The following FRMPD3 variants were observed in gnomAD, a reference collection of about 807,000 sequenced individuals.
The protein encoded by FRMPD3 is FERM and PDZ domain-containing protein 3.
FRMPD3 carries 42 observed loss-of-function variants against 97.9 expected under a neutral mutation model. The ratio of observed to expected loss-of-function variants is 0.43; its 90% confidence interval spans 0.34 to 0.55. FRMPD3 has a LOEUF of 0.55. Among genes scored for constraint, FRMPD3 ranks in the 20% least tolerant of loss-of-function variants. The pLI is 0.03. For synonymous variants in FRMPD3, 577 were observed against 581.1 expected (o/e 0.99, Z 0.10); for missense variants, 1,303 against 1,457.7 (o/e 0.89, Z 1.73).
Position 107,564,880 on chromosome X carries a change from G to A in FRMPD3, c.1117-7G>A. The A allele has an allele frequency of 8.3e-7, 1 of 1,209,608 alleles. No homozygotes were observed. The highest frequency in any genetic ancestry group is 1.1e-6 in the Non-Finnish European group (1 of 894,639). On this transcript the variant is annotated splice_region_variant and splice_polypyrimidine_tract_variant and intron_variant, in intron 11 of 14. Transcript: ENST00000683843. ...TGTGAACGTTGCCTGCCATTCTTGG[G>A]CACCAGGATGAGAAGCAGTCGGCCA... is the stretch of plus-strand genomic sequence containing the variant.
At chrX:107,545,703 T>C (rs1921555695) in intron 4 of FRMPD3, 34 bp from the exon 5 acceptor site, 1 of 1,113,518 alleles carries the variant, frequency 9.0e-7, no homozygotes, top group East Asian at 3.0e-5. Flanking sequence ...TCCCTAGATA[T>C]GGAGAACTCA....
chrX:107,588,053 G>A (rs951826822), intron 13 of FRMPD3, among the ~76,000 whole-genome samples: 1 of 111,349 alleles, frequency 9.0e-6, no homozygotes, highest in African/African-American at 3.3e-5. Flanking sequence ...GAGATTACAG[G>A]TGTGAGCCGC....
chrX:107,562,478 C>G (rs1427645136), intron 10 of FRMPD3, among the ~76,000 whole-genome samples: 1 of 112,484 alleles, frequency 8.9e-6, no homozygotes, highest in African/African-American at 3.2e-5. Flanking sequence ...TGAAGGTAAC[C>G]TGGCTGTCAC....
In FRMPD3 at chrX:107,521,782, C is replaced by T. The variant is rs762738618; in HGVS notation, c.-7-4800C>T. ...GCCAGTCTTGAGGGGAGTGACAAGACTCCCCAAGGAGCCAACCAAATGTAA... is the reference window on the plus strand; with the variant it reads ...GCCAGTCTTGAGGGGAGTGACAAGATTCCCCAAGGAGCCAACCAAATGTAA... On this transcript the variant is annotated intron_variant, in intron 1 of 14. Transcript: ENST00000683843. Among the ~76,000 whole-genome samples, 18 of 112,281 alleles carry T rather than the reference C, an allele frequency of 1.6e-4. No individual in the cohort carries two copies. The South Asian group carries it at 6.8e-3, about 42-fold the overall frequency.
chrX:107,519,686 G>A (rs1417695319), intron 1 of FRMPD3, among the ~76,000 whole-genome samples: 1 of 111,193 alleles, frequency 9.0e-6, no homozygotes, highest in Non-Finnish European at 1.9e-5. Context: ...GTAGAGGTGG[G>A]CGGCAGGCAG....
chrX:107,526,880 A>T, intron 2 of FRMPD3, 144 bp downstream of exon 2: 1 of 585,040 alleles, frequency 1.7e-6, no homozygotes, highest in Non-Finnish European at 2.5e-6. Context: ...CCAACCAATA[A>T]CTGTGTGAGG....
intron 1 of FRMPD3, among the ~76,000 whole-genome samples, chrX:107,499,253 T>A (rs1467811379): frequency 1.8e-5 from 2 of 111,769 alleles, no homozygotes; most frequent in African/African-American, 6.5e-5. Flanking sequence ...TCCGGAAGGA[T>A]AAGTAGGAGA....
chrX:107,490,465 A>G (rs186672892), intron 1 of FRMPD3, among the ~76,000 whole-genome samples: 164 of 112,141 alleles, frequency 1.5e-3, no homozygotes, highest in Non-Finnish European at 2.0e-3. Context: ...CTTCCTACCC[A>G]TGAGCATGGA....
intron 1 of FRMPD3, among the ~76,000 whole-genome samples, chrX:107,524,913 T>G (rs1922631287): frequency 9.7e-6 from 1 of 103,584 alleles, no homozygotes; most frequent in Admixed American, 1.0e-4. Context: ...GGAGAATCGC[T>G]TGAACCTGGG....
At chrX:107,515,456 TAAC>T (rs768799243) in intron 1 of FRMPD3, among the ~76,000 whole-genome samples, 3 of 110,855 alleles carry the variant, frequency 2.7e-5, no homozygotes, top group Middle Eastern at 4.2e-3. Context: ...ATGCGGACCT[TAAC>T]AAGAGCAACT....
In FRMPD3 at chrX:107,552,912, C is replaced by T; in HGVS notation, c.628C>T (p.Gln210Ter). 1 of 1,207,822 alleles carries T rather than the reference C, an allele frequency of 8.3e-7. No homozygotes were observed. Among genetic ancestry groups the T allele is most frequent in the Non-Finnish European group, 1.1e-6 (1 of 893,941 alleles). ...NHKFLLLQDK[Q>*]PLAYVVQRTH... ...CAAGTTTCTGCTTCTTCAGGACAAG[C>T]AACCCCTGGCTTATGTAAGTAACTC... is the stretch of plus-strand genomic sequence containing the variant. The change falls in exon 7 of 15, where the codon CAA becomes TAA. Residue 210 changes from glutamine (Q) to a stop codon, truncating the protein, a stop_gained. Coordinates refer to ENST00000683843, the MANE Select transcript of FRMPD3 (RefSeq NM_001388459.1). LOFTEE classifies it high-confidence loss of function.
chrX:107,485,512 C>A (rs1431240161), intron 1 of FRMPD3, among the ~76,000 whole-genome samples: 2 of 112,595 alleles, frequency 1.8e-5, no homozygotes, highest in Non-Finnish European at 3.8e-5. Context: ...AGGTTTCTTC[C>A]TGGGTTTAAT....
chrX:107,545,886 C>T, intron 5 of FRMPD3, 45 bp downstream of exon 5: 4 of 1,015,011 alleles, frequency 3.9e-6, no homozygotes, highest in Non-Finnish European at 5.5e-6. Flanking sequence ...TGGCCATAAT[C>T]TGCCTGGCTG....
intron 1 of FRMPD3, among the ~76,000 whole-genome samples, chrX:107,457,575 G>GCTGAAGTCTCTATCCCACAC (rs1931397578): frequency 9.0e-6 from 1 of 111,702 alleles, no homozygotes; most frequent in Non-Finnish European, 1.9e-5. Flanking sequence ...CTTGATATTG[G>GCTGAAGTCTCTATCCCACAC]CTGAAGTCTC....
intron 13 of FRMPD3, among the ~76,000 whole-genome samples, chrX:107,582,310 A>T (rs1217314913): frequency 9.0e-6 from 1 of 110,636 alleles, no homozygotes; most frequent in Admixed American, 9.6e-5. Flanking sequence ...CAGCCTTCTG[A>T]GTAGCTGGGA....
At chrX:107,500,427 C>T (rs904065341) in intron 1 of FRMPD3, among the ~76,000 whole-genome samples, 1 of 111,864 alleles carries the variant, frequency 8.9e-6, no homozygotes, top group Non-Finnish European at 1.9e-5. Flanking sequence ...CCTTCCTAGC[C>T]GGGAGGCCTT....
chrX:107,454,528 T>C (rs1219103165), intron 1 of FRMPD3, among the ~76,000 whole-genome samples: 1 of 111,465 alleles, frequency 9.0e-6, no homozygotes, highest in Non-Finnish European at 1.9e-5. Context: ...CTCAAAGCCA[T>C]CTCTGACTCA....
chrX:107,481,367 T>C (rs1310839984), intron 1 of FRMPD3, among the ~76,000 whole-genome samples: 4 of 112,041 alleles, frequency 3.6e-5, no homozygotes, highest in African/African-American at 1.3e-4. Context: ...AACCACATGA[T>C]GAACTGTAAT....
chrX:107,539,419 G>A (rs762789815), intron 4 of FRMPD3, among the ~76,000 whole-genome samples: 2 of 112,050 alleles, frequency 1.8e-5, no homozygotes, highest in Admixed American at 9.5e-5. Context: ...GCACACAGTA[G>A]GCACTCAGTA....
Sources: gnomAD v4.1 joint callset for allele counts (sites outside exome capture counted in the v4.1 genomes callset) on GRCh38, gnomAD v4.1.1 for gene constraint, MANE v1.5 for transcripts, NCBI Gene and HGNC (gene_info 2026-07-23, HGNC 2026-07-21) for gene names.